Variants in ZNHIT3 observed in about 807,000 individuals in gnomAD.
The protein encoded by ZNHIT3 is zinc finger HIT-type containing 3.
In ZNHIT3, 27 loss-of-function variants were observed where a neutral mutation model predicts 19.9. The ratio of observed to expected loss-of-function variants is 1.36; its 90% CI spans 1.00 to 1.87. ZNHIT3 has a LOEUF of 1.87. Among genes scored for constraint, ZNHIT3 ranks in the 40% most tolerant of loss-of-function variants. The pLI is 0.00. For synonymous variants in ZNHIT3, 81 were observed against 65.7 expected, an observed-to-expected ratio of 1.23 and a Z score of -1.13; for missense variants, 215 against 185.6, an observed-to-expected ratio of 1.16 and a Z score of -0.92.
downstream of ZNHIT3, chr17:36,498,668 G>A: frequency 7.0e-6 from 9 of 1,284,268 alleles, no homozygotes; most frequent in Non-Finnish European, 9.4e-6. Context: ...TGAACTGAAG[G>A]CACCTGGTTG....
At position 36,486,715 on chromosome 17, in the gene ZNHIT3, T is replaced by A. The variant is rs766104988; in HGVS notation, c.16T>A (p.Cys6Ser). MASLK[C>S]STVVCVICLE... The stretch of plus-strand genomic sequence containing the variant: ...CCACAAAACCATGGCGTCGCTCAAA[T>A]GTAGCACCGTCGTCTGCGTGATCTG... The change falls in exon 1 of 5, where the codon TGT (cysteine) becomes AGT (serine). Residue 6 changes from cysteine to serine, a missense_variant. Coordinates refer to ENST00000617429, the MANE Select transcript of ZNHIT3 (RefSeq NM_004773.4). 6.2e-7 allele frequency: 1 copy of A among 1,613,844 alleles called. No individual in the cohort carries two copies. Among genetic ancestry groups the A allele is most frequent in the Non-Finnish European group, 8.5e-7 (1 of 1,179,890 alleles).
chr17:36,490,439 C>T (rs927955359), intron 2 of ZNHIT3: 2 of 152,118 alleles, frequency 1.3e-5, no homozygotes, highest in African/African-American at 4.8e-5. Context: ...TTCCATTGAT[C>T]TATGTGTCTA....
At chr17:36,498,645 CA>C, downstream of ZNHIT3, 1 of 1,423,932 alleles carries the variant, frequency 7.0e-7, no homozygotes, top group Non-Finnish European at 9.3e-7. Context: ...TTTAACAAAT[CA>C]TCTTAACAAG....
In ZNHIT3 at chr17:36,486,986, G is replaced by A. The variant is rs569582446; in HGVS notation, c.118+20G>A. On this transcript the variant is annotated intron_variant, in intron 2 of 4. Transcript: ENST00000617429. ...ACAAAGGTGAGCCCCGTCCCCGCCAGCCCTCGTACCACTGCGCACGGGGCA... is the reference window on the plus strand; with the variant it reads ...ACAAAGGTGAGCCCCGTCCCCGCCAACCCTCGTACCACTGCGCACGGGGCA... 62 of 1,610,642 alleles carry A rather than the reference G, an allele frequency of 3.8e-5. No homozygotes were observed. In the East Asian group the frequency reaches 1.1e-3, roughly 28 times the overall value.
chr17:36,498,154 G>A, downstream of ZNHIT3: 1 of 1,221,014 alleles, frequency 8.2e-7, no homozygotes, highest in Non-Finnish European at 1.1e-6. Flanking sequence ...TACCCAGTAG[G>A]GTTAGGGATG....
chr17:36,497,721 A>ACT (rs2071129039), downstream of ZNHIT3: 2 of 195,210 alleles, frequency 1.0e-5, no homozygotes, highest in South Asian at 3.5e-4. Flanking sequence ...AGCAGCTGGG[A>ACT]CTACAGGCGC....
intron 2 of ZNHIT3, among the ~76,000 whole-genome samples, chr17:36,487,193 G>T (rs908734725): frequency 6.6e-6 from 1 of 152,116 alleles, no homozygotes; most frequent in African/African-American, 2.4e-5. Flanking sequence ...GTTTTGGTCA[G>T]TAGCCTTTCT....
At chr17:36,493,455 T>C (rs988600046) in intron 3 of ZNHIT3, among the ~76,000 whole-genome samples, 1 of 152,244 alleles carries the variant, frequency 6.6e-6, no homozygotes, top group African/African-American at 2.4e-5. Context: ...TCCAAAGGCA[T>C]GGCCCATTTT....
rs200810980 is a variant in ZNHIT3, at chr17:36,486,689, T to G, written c.-11T>G. ...GCGGCGGCGCAGTGAACAGTCTCCTTCCACAAAACCATGGCGTCGCTCAAA... is the reference window on the plus strand; with the variant it reads ...GCGGCGGCGCAGTGAACAGTCTCCTGCCACAAAACCATGGCGTCGCTCAAA... On this transcript the variant is annotated 5_prime_UTR_variant, in exon 1 of 5. Coordinates refer to ENST00000617429, the MANE Select transcript of ZNHIT3 (RefSeq NM_004773.4). The G allele has an allele frequency of 1.6e-4, 265 of 1,613,614 alleles. No homozygotes were observed. The highest frequency in any genetic ancestry group is 4.9e-4 in the Middle Eastern group (3 of 6,062).
In ZNHIT3 at chr17:36,486,704, C is replaced by T. The variant is rs538474249; in HGVS notation, c.5C>T (p.Ala2Val). 3 of 1,613,770 alleles carry T rather than the reference C, an allele frequency of 1.9e-6. No individual in the cohort carries two copies. The highest frequency in any genetic ancestry group is 1.3e-5 in the African/African-American group (1 of 74,888). Residue 2 changes from alanine (A) to valine (V), a missense_variant, in exon 1 of 5, where the codon GCG becomes GTG. Ala to Val is a moderately conservative substitution (Grantham distance 64). Transcript: ENST00000617429. M[A>V]SLKCSTVVCV... ...ACAGTCTCCTTCCACAAAACCATGG[C>T]GTCGCTCAAATGTAGCACCGTCGTC...
downstream of ZNHIT3, chr17:36,496,319 T>A (rs758206810): frequency 6.2e-7 from 1 of 1,613,926 alleles, no homozygotes; most frequent in South Asian, 1.1e-5. Context: ...AGAATCTGAT[T>A]AAAGCCTGTA....
At chr17:36,492,425 G>A (rs2070748045) in intron 2 of ZNHIT3, 2 of 188,162 alleles carry the variant, frequency 1.1e-5, no homozygotes, top group African/African-American at 2.4e-5. Context: ...AGGATTACAG[G>A]CGTGAGCCAG....
rs767143290 is a variant in ZNHIT3, at chr17:36,486,686, C to A, written c.-14C>A. The A allele has an allele frequency of 1.9e-6, 3 of 1,613,682 alleles. No homozygotes were observed. In the Admixed American group the frequency reaches 5.0e-5, roughly 27 times the overall value. On this transcript the variant is annotated 5_prime_UTR_variant, in exon 1 of 5. Transcript: ENST00000617429. ...CGCGCGGCGGCGCAGTGAACAGTCT[C>A]CTTCCACAAAACCATGGCGTCGCTC... is the stretch of plus-strand genomic sequence containing the variant.
chr17:36,492,922 A>T, intron 3 of ZNHIT3, 23 bp downstream of exon 3: 1 of 1,606,704 alleles, frequency 6.2e-7, no homozygotes, highest in East Asian at 2.2e-5. Context: ...ACTTCAAACA[A>T]ATCTACAAGG....
intron 3 of ZNHIT3, chr17:36,493,247 A>AC: frequency 3.0e-6 from 1 of 330,354 alleles, no homozygotes; most frequent in Non-Finnish European, 5.6e-6. Context: ...GTTCACCTGA[A>AC]CTCAGCCCAG....
downstream of ZNHIT3, chr17:36,498,326 G>A: frequency 1.9e-6 from 3 of 1,614,000 alleles, no homozygotes; most frequent in Non-Finnish European, 2.5e-6. Context: ...GGACAGTGTA[G>A]CTACTGGGGC....
chr17:36,490,385 G>T (rs1197629476), intron 2 of ZNHIT3: 2 of 152,160 alleles, frequency 1.3e-5, no homozygotes, highest in Non-Finnish European at 2.9e-5. Flanking sequence ...TGAAAAGTCA[G>T]TTGGCTGTAA....
intron 2 of ZNHIT3, among the ~76,000 whole-genome samples, chr17:36,488,554 TAAAA>T (rs1293597710): frequency 6.6e-6 from 1 of 151,948 alleles, no homozygotes; most frequent in African/African-American, 2.4e-5. Flanking sequence ...AAAAAAAAAT[TAAAA>T]AAATTAAAAA....
chr17:36,498,520 C>T (rs775184597), downstream of ZNHIT3: 3 of 1,613,918 alleles, frequency 1.9e-6, no homozygotes, highest in African/African-American at 1.3e-5. Context: ...TTTTCTTCCA[C>T]ACCATCCAGC....
Sources: allele counts gnomAD v4.1 joint callset (sites outside exome capture counted in the v4.1 genomes callset), GRCh38; gene constraint gnomAD v4.1.1; transcripts MANE v1.5; gene names NCBI Gene and HGNC (gene_info 2026-07-23, HGNC 2026-07-21).